The following ESRRB variants were observed in gnomAD, a reference collection of about 807,000 sequenced individuals.
ESRRB encodes steroid hormone receptor ERR2.
Under a neutral mutation model 46.0 loss-of-function variants are expected in ESRRB, and 16 were observed. The ratio of observed to expected loss-of-function variants is 0.35; its 90% confidence interval spans 0.24 to 0.53. ESRRB has a LOEUF of 0.53. Among genes scored for constraint, ESRRB ranks in the 20% least tolerant of loss-of-function variants. The pLI, the probability that ESRRB is intolerant of heterozygous loss-of-function variation, is 0.93. For synonymous variants in ESRRB, 246 were observed against 259.6 expected, an observed-to-expected ratio of 0.95 and a Z score of 0.50; for missense variants, 488 against 607.4, an observed-to-expected ratio of 0.80 and a Z score of 2.07.
intron 1 of ESRRB, among the ~76,000 whole-genome samples, chr14:76,332,833 TA>T (rs1884049574): frequency 3.7e-5 from 1 of 27,084 alleles, no homozygotes; most frequent in African/African-American, 1.2e-4. Context: ...TATATTTATA[TA>T]TTATATATTT....
At chr14:76,343,931 G>A (rs1884220084) in intron 1 of ESRRB, among the ~76,000 whole-genome samples, 2 of 152,214 alleles carry the variant, frequency 1.3e-5, no homozygotes, top group South Asian at 4.1e-4. Flanking sequence ...TGTAGGTAAT[G>A]GTAAGACATT....
chr14:76,415,805 T>C (rs1024243983), intron 1 of ESRRB, among the ~76,000 whole-genome samples: 11 of 152,170 alleles, frequency 7.2e-5, no homozygotes, highest in African/African-American at 1.9e-4. Flanking sequence ...CTGCGCCTGA[T>C]AAGCACTTTC....
chr14:76,430,998 C>T lies in ESRRB; in HGVS notation c.51-8343C>T, dbSNP rs180976090. 1.9e-3 allele frequency among the ~76,000 whole-genome samples: 288 copies of T among 152,252 alleles called. 2 individuals are homozygous for T. The highest frequency in any genetic ancestry group is 6.2e-3 in the African/African-American group (258 of 41,534). On this transcript the variant is annotated intron_variant, in intron 1 of 6. Transcript: ENST00000644823. ...GTGGGAAAGATCCTTGAGATTCCAGCGTAAAAAACAGTGAGAGGCCGGGCC... is the reference window on the plus strand; with the variant it reads ...GTGGGAAAGATCCTTGAGATTCCAGTGTAAAAAACAGTGAGAGGCCGGGCC...
chr14:76,462,541 G>A lies in ESRRB; in HGVS notation c.461-4G>A. The A allele has an allele frequency of 6.2e-7, 1 of 1,613,006 alleles. No individual in the cohort carries two copies. The highest frequency in any genetic ancestry group is 8.5e-7 in the Non-Finnish European group (1 of 1,179,162). On this transcript the variant is annotated splice_polypyrimidine_tract_variant and splice_region_variant and intron_variant, in intron 2 of 6. Transcript: ENST00000644823. ...CCGGCAACCCTCTCTGTGTCTGGTT[G>A]CAGGGAACATTGAGTACAGCTGCCC...
At chr14:76,349,956 A>G (rs991898967) in intron 1 of ESRRB, among the ~76,000 whole-genome samples, 6 of 152,190 alleles carry the variant, frequency 3.9e-5, no homozygotes, top group African/African-American at 1.2e-4. Context: ...AGTAAGATTC[A>G]TCAGGCTTAC....
At chr14:76,370,750 G>GA (rs1022598205), upstream of ESRRB, among the ~76,000 whole-genome samples, 3 of 150,476 alleles carry the variant, frequency 2.0e-5, no homozygotes, top group African/African-American at 7.3e-5. Context: ...TAGTTGGTAG[G>GA]AAAAAAAAAG....
chr14:76,325,687 T>C lies in ESRRB; in HGVS notation c.2+14771T>C, dbSNP rs569847713. 3.2e-4 allele frequency among the ~76,000 whole-genome samples: 49 copies of C among 152,228 alleles called. No homozygotes were observed. The South Asian group carries it at 1.0e-2, about 31-fold the overall frequency. ...GACCTAGGCAATGGCAAAGACAAGT[T>C]TCAAACTCAAGCCTGGTTGCCTCTT... On this transcript the variant is annotated intron_variant, in intron 1 of 6. Transcript: ENST00000512784.
chr14:76,323,179 G>T (rs58341070), intron 1 of ESRRB, among the ~76,000 whole-genome samples: 28,121 of 151,998 alleles, frequency 0.19, 2,804 homozygotes, highest in East Asian at 0.38. Flanking sequence ...TCAGATCACC[G>T]AAGTTAGATG....
intron 1 of ESRRB, among the ~76,000 whole-genome samples, chr14:76,410,815 T>C (rs373388078): frequency 4.7e-4 from 71 of 152,110 alleles, no homozygotes; most frequent in Middle Eastern, 3.4e-3. Context: ...ACAGAGTCTC[T>C]CTCTGTCACC....
chr14:76,473,241 C>A (rs1889443307), intron 3 of ESRRB, among the ~76,000 whole-genome samples: 1 of 152,216 alleles, frequency 6.6e-6, no homozygotes, highest in African/African-American at 2.4e-5. Context: ...CATTGTTGGG[C>A]AGCTTAAATG....
At chr14:76,421,910 A>C (rs1381396892) in intron 1 of ESRRB, among the ~76,000 whole-genome samples, 3 of 152,216 alleles carry the variant, frequency 2.0e-5, no homozygotes, top group Non-Finnish European at 2.9e-5. Context: ...GGGCTCTGCC[A>C]TTGCCAGCAG....
At chr14:76,472,020 G>A (rs974767042) in intron 3 of ESRRB, among the ~76,000 whole-genome samples, 2 of 152,214 alleles carry the variant, frequency 1.3e-5, no homozygotes, top group South Asian at 2.1e-4. Context: ...GAGTTTCAGC[G>A]ATTTGACCAA....
intron 3 of ESRRB, among the ~76,000 whole-genome samples, chr14:76,465,494 C>A (rs1218665035): frequency 1.3e-5 from 2 of 152,164 alleles, no homozygotes; most frequent in African/African-American, 4.8e-5. Context: ...GACATCCAGA[C>A]TGGCACTTGT....
At chr14:76,427,335 C>CTGTGTG (rs34441473) in intron 1 of ESRRB, among the ~76,000 whole-genome samples, 28 of 148,988 alleles carry the variant, frequency 1.9e-4, no homozygotes, top group African/African-American at 4.6e-4. Flanking sequence ...TCTGCAGGAG[C>CTGTGTG]TGTGTGTGTG....
chr14:76,450,732 A>T (rs137882447), intron 2 of ESRRB, among the ~76,000 whole-genome samples: 1,546 of 152,182 alleles, frequency 0.01, 14 homozygotes, highest in Non-Finnish European at 0.015. Context: ...GCGGATCTGG[A>T]TCCTGGATCC....
intron 6 of ESRRB, among the ~76,000 whole-genome samples, chr14:76,492,984 C>T (rs149751775): frequency 6.6e-6 from 1 of 152,172 alleles, no homozygotes; most frequent in African/African-American, 2.4e-5. Context: ...GAATCACACA[C>T]ATAATTCTGT....
In ESRRB at chr14:76,335,526, T is replaced by C. The variant is rs376931008; in HGVS notation, c.2+24610T>C. Among the ~76,000 whole-genome samples the C allele has an allele frequency of 1.5e-3, 225 of 152,342 alleles. 2 individuals carry two copies. The highest frequency in any genetic ancestry group is 5.0e-3 in the African/African-American group (208 of 41,574). On this transcript the variant is annotated intron_variant, in intron 1 of 6. Coordinates refer to the ESRRB transcript ENST00000512784. ...GCACTGGATGCTGTGGTTGCAGTGG[T>C]AGCGAAGACAGACATGGTCCCTGCT... is the stretch of plus-strand genomic sequence containing the variant.
chr14:76,402,157 T>G (rs1885972376), intron 1 of ESRRB, among the ~76,000 whole-genome samples: 1 of 152,240 alleles, frequency 6.6e-6, no homozygotes, highest in African/African-American at 2.4e-5. Flanking sequence ...GGCAACCTGC[T>G]TTACTTAATT....
At chr14:76,496,352 G>T (rs1048468257) in intron 6 of ESRRB, among the ~76,000 whole-genome samples, 2 of 152,236 alleles carry the variant, frequency 1.3e-5, no homozygotes, top group South Asian at 4.1e-4. Context: ...TTTCAGCTGG[G>T]GAGGTAGACT....
Sources: allele counts gnomAD v4.1 joint callset (sites outside exome capture counted in the v4.1 genomes callset), GRCh38; gene constraint gnomAD v4.1.1; transcripts MANE v1.5; gene names NCBI Gene and HGNC (gene_info 2026-07-23, HGNC 2026-07-21).